The following PLXNB1 variants were observed in gnomAD, a reference collection of about 807,000 sequenced individuals.
PLXNB1 encodes plexin-B1.
Under a neutral mutation model 209.4 loss-of-function variants are expected in PLXNB1, and 106 were observed. The observed-to-expected ratio is 0.51, with a 90% CI of 0.43 to 0.59. The LOEUF is 0.59. Ranked by LOEUF, PLXNB1 falls within the 20% of genes least tolerant of loss-of-function variation. The pLI is 0.00. For synonymous variants in PLXNB1, 1,167 were observed against 1,183.2 expected (o/e 0.99, Z 0.28); for missense variants, 2,357 against 2,853.2 (o/e 0.83, Z 3.96).
rs1032897886 is a variant in PLXNB1 at position 48,419,938 on chromosome 3, G to A, written c.2348C>T (p.Thr783Ile). The part of the protein sequence containing the change: ...PAPTDFRPSA[T>I]PEDLLASPLS... ...CGGGGAGGCCAAGAGGTCCTCAGGT[G>A]TGGCTGAGGGTCTGAAGTCAGTGGG... The change falls in exon 11 of 38, where the codon ACA becomes ATA. Residue 783 changes from threonine to isoleucine, a missense_variant. Thr to Ile is a moderately conservative substitution (Grantham distance 89). Coordinates refer to ENST00000296440, the MANE Select transcript of PLXNB1 (RefSeq NM_001130082.3). This position sits in a 1 kb window ranked among gnomAD's most constrained non-coding sequence, Gnocchi z 5.7. The A allele has an allele frequency of 1.7e-5, 26 of 1,572,450 alleles. No homozygotes were observed. The highest frequency in any genetic ancestry group is 2.0e-5 in the Non-Finnish European group (23 of 1,156,614).
Position 48,418,844 on chromosome 3 carries a change from C to G in PLXNB1, c.2955+73G>C, listed in dbSNP as rs928917942. 111 of 1,583,308 alleles carry G rather than the reference C, an allele frequency of 7.0e-5. No homozygotes were observed. The highest frequency in any genetic ancestry group is 3.8e-4 in the Middle Eastern group (2 of 5,236). On this transcript the variant is annotated intron_variant, in intron 13 of 37. Coordinates refer to ENST00000296440, the MANE Select transcript of PLXNB1 (RefSeq NM_001130082.3). This position sits in a 1 kb window ranked among gnomAD's most constrained non-coding sequence, Gnocchi z 6.6. ...CGTGGCTCTGGAAAGTGTGGTGCAGCCAGCTACAGTTGGCAGCCAGCCTGT... is the reference window on the plus strand; with the variant it reads ...CGTGGCTCTGGAAAGTGTGGTGCAGGCAGCTACAGTTGGCAGCCAGCCTGT...
At position 48,405,596 on chromosome 3, in the gene PLXNB1, C is replaced by A. The variant is rs763970793; in HGVS notation, c.6303+128G>T. The A allele has an allele frequency of 1.3e-4, 94 of 696,710 alleles. No homozygotes were observed. The highest frequency in any genetic ancestry group is 2.2e-4 in the Non-Finnish European group (90 of 413,726). 43.2% of individuals were successfully genotyped at this position (696,710 alleles called of 1,614,324 possible). On this transcript the variant is annotated intron_variant, in intron 37 of 37. Coordinates refer to ENST00000296440, the MANE Select transcript of PLXNB1 (RefSeq NM_001130082.3). This position sits in a 1 kb window ranked among gnomAD's most constrained non-coding sequence, Gnocchi z 5.0. ...AAACACTTCTCAAGCCACCAAGGGG[C>A]CCGGCCCCCCACTACTCTGTCCCTG...
Position 48,422,404 on chromosome 3 carries a change from T to TG in PLXNB1, c.1345dup (p.Gln449ProfsTer12). Reference sequence around the variant, plus strand: ...GAGGTCTCTGCTCACTGCAGACCCCTGCTGGATGCTCTGTGTGGAGTATGG... The same window carrying TG: ...GAGGTCTCTGCTCACTGCAGACCCCTGGCTGGATGCTCTGTGTGGAGTATGG... On this transcript the variant is annotated frameshift_variant, in exon 5 of 38. Coordinates refer to ENST00000296440, the MANE Select transcript of PLXNB1 (RefSeq NM_001130082.3). LOFTEE classifies it high-confidence loss of function. The TG allele has an allele frequency of 1.2e-6, 2 of 1,604,678 alleles. No individual in the cohort carries two copies. The highest frequency in any genetic ancestry group is 1.7e-6 in the Non-Finnish European group (2 of 1,175,286).
In PLXNB1 at chr3:48,411,364, T is replaced by G. The variant is rs75940154; in HGVS notation, c.5248-328A>C. On this transcript the variant is annotated intron_variant, in intron 28 of 37. Coordinates refer to ENST00000296440, the MANE Select transcript of PLXNB1 (RefSeq NM_001130082.3). This position sits in a 1 kb window ranked among gnomAD's most constrained non-coding sequence, Gnocchi z 4.0. ...TGACGGAGTTTCGGGAAGCCTGCAT[T>G]CCCACCATCGGGAGCAAATATTCCC... 0.021 allele frequency among the ~76,000 whole-genome samples: 3,137 copies of G among 152,282 alleles called. 97 individuals carry two copies. The highest frequency in any genetic ancestry group is 0.068 in the African/African-American group (2,805 of 41,536).
intron 34 of PLXNB1, among the ~76,000 whole-genome samples, chr3:48,407,346 C>T (rs2037376794): frequency 6.6e-6 from 1 of 152,148 alleles, no homozygotes; most frequent in African/African-American, 2.4e-5. Flanking sequence ...CATTTCTCAG[C>T]TCCACATGCC....
Position 48,413,365 on chromosome 3 carries a change from C to T in PLXNB1, c.4536-196G>A. On this transcript the variant is annotated intron_variant, in intron 23 of 37. Transcript: ENST00000296440. The surrounding 1 kb of genome is among the most constrained non-coding windows in gnomAD (Gnocchi z 5.4). ...CACACACACCCATGCCCCGTCTAGCCCAGCACAGTTTAGCCTAGAGATCAG... is the reference window on the plus strand; with the variant it reads ...CACACACACCCATGCCCCGTCTAGCTCAGCACAGTTTAGCCTAGAGATCAG... 1 of 613,062 alleles carries T rather than the reference C, an allele frequency of 1.6e-6. No homozygotes were observed. The highest frequency in any genetic ancestry group is 2.9e-6 in the Non-Finnish European group (1 of 346,764). 38.0% of individuals were successfully genotyped at this position (613,062 alleles called of 1,614,324 possible).
chr3:48,407,413 C>G (rs1223794604), intron 34 of PLXNB1, among the ~76,000 whole-genome samples: 2 of 152,252 alleles, frequency 1.3e-5, no homozygotes, highest in East Asian at 3.9e-4. Flanking sequence ...CTGTTCACTC[C>G]CAGGGTCATC....
intron 8 of PLXNB1, 41 bp downstream of exon 8, chr3:48,421,187 A>G: frequency 6.3e-7 from 1 of 1,594,664 alleles, no homozygotes; most frequent in Non-Finnish European, 8.5e-7. Flanking sequence ...CCCCTGAAGC[A>G]GGGGCTGGCC....
intron 2 of PLXNB1, 107 bp from the exon 3 acceptor site, chr3:48,424,724 C>G: frequency 2.5e-6 from 3 of 1,189,412 alleles, no homozygotes; most frequent in Non-Finnish European, 3.5e-6. Context: ...CTCCTCCTAA[C>G]CTAGGGGGTG....
intron 1 of PLXNB1, among the ~76,000 whole-genome samples, chr3:48,427,096 C>T (rs1249469263): frequency 6.6e-6 from 1 of 152,066 alleles, no homozygotes; most frequent in Non-Finnish European, 1.5e-5. Flanking sequence ...CTCCAGCCCT[C>T]AAGGGGCAGT....
At position 48,423,027 on chromosome 3, in the gene PLXNB1, C is replaced by T. The variant is rs187738471; in HGVS notation, c.1108-80G>A. ...CATCGTCCCTGGACAACCTCATTCC[C>T]TCCCCCAGCCGCTCTGGTAGCTCTC... On this transcript the variant is annotated intron_variant, in intron 3 of 37. Coordinates refer to ENST00000296440, the MANE Select transcript of PLXNB1 (RefSeq NM_001130082.3). 7.2e-6 allele frequency: 9 copies of T among 1,257,720 alleles called. 1 individual carries two copies. The African/African-American group carries it at 8.9e-5, about 12-fold the overall frequency. The allele number at this position is 1,257,720 out of a possible 1,614,324, so 77.9% of individuals were successfully genotyped here. A position where few individuals can be genotyped will look rare whatever the true frequency, so the allele number is the denominator to read the frequency against.
chr3:48,407,147 T>C (rs1292378628), intron 34 of PLXNB1, 56 bp from the exon 35 acceptor site: 8 of 1,503,064 alleles, frequency 5.3e-6, no homozygotes, highest in Non-Finnish European at 7.4e-6. Flanking sequence ...AGGGTCCCTG[T>C]TCGAGTGATC....
chr3:48,414,083 G>A lies in PLXNB1; in HGVS notation c.4210-12C>T, dbSNP rs1482727606. 3.7e-6 allele frequency: 6 copies of A among 1,613,310 alleles called. No individual in the cohort carries two copies. In the Admixed American group the frequency reaches 8.3e-5, roughly 22 times the overall value. On this transcript the variant is annotated splice_polypyrimidine_tract_variant and intron_variant, in intron 21 of 37. Transcript: ENST00000296440. ...TCCAGGTTCTCCCCCTGGAACAGAG[G>A]GTCACCGATCAGTCACTCAGGACCC... is the stretch of plus-strand genomic sequence containing the variant.
intron 1 of PLXNB1, among the ~76,000 whole-genome samples, chr3:48,428,114 G>A (rs1448370116): frequency 2.0e-5 from 3 of 152,262 alleles, no homozygotes; most frequent in East Asian, 3.9e-4. Context: ...GATGCTCCCT[G>A]TATGGTGAAC....
Position 48,413,052 on chromosome 3 carries a change from C to A in PLXNB1, c.4636+17G>T. On this transcript the variant is annotated intron_variant, in intron 24 of 37. Coordinates refer to ENST00000296440, the MANE Select transcript of PLXNB1 (RefSeq NM_001130082.3). The surrounding 1 kb of genome is among the most constrained non-coding windows in gnomAD (Gnocchi z 5.4). ...GGGCAGAGTTCTGGAGGGCGGGGCC[C>A]ATTCTCTCAGCCACACCTGTGAATT... The A allele has an allele frequency of 6.2e-7, 1 of 1,610,148 alleles. No individual in the cohort carries two copies. The highest frequency in any genetic ancestry group is 1.1e-5 in the South Asian group (1 of 91,004).
In PLXNB1 at chr3:48,418,905, C is replaced by T. The variant is rs2038295932; in HGVS notation, c.2955+12G>A. ...GTGCACCCGTGCCCACCCAGGCGCTCATGGTGTGCACCTGGTGCTGCTGGC... is the reference window on the plus strand; with the variant it reads ...GTGCACCCGTGCCCACCCAGGCGCTTATGGTGTGCACCTGGTGCTGCTGGC... On this transcript the variant is annotated intron_variant, in intron 13 of 37. Transcript: ENST00000296440. The surrounding 1 kb of genome is among the most constrained non-coding windows in gnomAD (Gnocchi z 6.6). 6.2e-7 allele frequency: 1 copy of T among 1,613,872 alleles called. No homozygotes were observed. The highest frequency in any genetic ancestry group is 8.5e-7 in the Non-Finnish European group (1 of 1,179,980).
chr3:48,419,728 T>C lies in PLXNB1; in HGVS notation c.2558A>G (p.Asp853Gly). ...TREGGELPEA[D>G]EWTGGDAPAF... is the part of the protein sequence containing the mutation. ...GGGTGCGTCACCCCCCGTCCACTCG[T>C]CCGCCTCGGGCAGCTCGCCGCCTTC... The change falls in exon 11 of 38, where the codon GAC (aspartate) becomes GGC (glycine). Residue 853 changes from aspartate (D) to glycine (G), a missense_variant. Asp to Gly is a moderately conservative substitution (Grantham distance 94). Coordinates refer to ENST00000296440, the MANE Select transcript of PLXNB1 (RefSeq NM_001130082.3). The surrounding 1 kb of genome is among the most constrained non-coding windows in gnomAD (Gnocchi z 5.7). 1 of 1,611,246 alleles carries C rather than the reference T, an allele frequency of 6.2e-7. No individual in the cohort carries two copies. Among genetic ancestry groups the C allele is most frequent in the Non-Finnish European group, 8.5e-7 (1 of 1,179,514 alleles).
rs1341729662 is a variant in PLXNB1 at position 48,418,410 on chromosome 3, T to C, written c.3049+39A>G. The C allele has an allele frequency of 6.2e-7, 1 of 1,612,976 alleles. No homozygotes were observed. The highest frequency in any genetic ancestry group is 2.2e-5 in the East Asian group (1 of 44,874). On this transcript the variant is annotated intron_variant, in intron 14 of 37. Transcript: ENST00000296440. The surrounding 1 kb of genome is among the most constrained non-coding windows in gnomAD (Gnocchi z 6.6). ...GTGAGAGGCAGGCCTGGGAGAGCCC[T>C]GCTACCACCGCCAGCCCAGCAGCCC...
In PLXNB1 at chr3:48,422,434, C is replaced by T; in HGVS notation, c.1316G>A (p.Gly439Asp). ...HRVYLGPGSD[G>D]HPYSTQSIQQ... The stretch of plus-strand genomic sequence containing the variant: ...GATGCTCTGTGTGGAGTATGGGTGG[C>T]CATCGCTCCCTGGGCCCAAGTAGAC... The change falls in exon 5 of 38, where the codon GGC becomes GAC. Residue 439 changes from glycine (G) to aspartate (D), a missense_variant. Around this residue, in one of 7 missense-constraint regions of PLXNB1, gnomAD observed 404 missense variants for 443.6 expected, o/e 0.91. Transcript: ENST00000296440. The T allele has an allele frequency of 6.3e-7, 1 of 1,595,858 alleles. No homozygotes were observed. The highest frequency in any genetic ancestry group is 8.5e-7 in the Non-Finnish European group (1 of 1,171,396).
Sources: allele counts gnomAD v4.1 joint callset (sites outside exome capture counted in the v4.1 genomes callset), GRCh38; gene constraint gnomAD v4.1.1; regional missense constraint gnomAD v4.1.1; non-coding constraint Gnocchi (gnomAD v3.1); transcripts MANE v1.5; gene names NCBI Gene and HGNC (gene_info 2026-07-23, HGNC 2026-07-21).